The following MTUS2 variants were observed in gnomAD, a reference collection of about 807,000 sequenced individuals.
MTUS2 encodes the protein microtubule-associated tumor suppressor candidate 2.
A neutral mutation model predicts 114.1 loss-of-function variants in MTUS2; 40 were observed. The observed-to-expected ratio is 0.35, with a 90% CI of 0.27 to 0.46. The LOEUF is 0.46. MTUS2 is among the 20% of genes least tolerant of loss of function. The probability of loss-of-function intolerance (pLI) is 1.00; values close to 1 mark genes in which losing one functional copy is unlikely to be tolerated. For missense variants in MTUS2, 1,679 were observed against 1,705.4 expected (o/e 0.98, Z 0.27); for synonymous variants, 688 against 672.0 (o/e 1.02, Z -0.37).
Position 29,492,705 on chromosome 13 carries a change from C to T in MTUS2, c.3565C>T (p.Arg1189Trp), listed in dbSNP as rs753762677. The part of the protein sequence containing the change: ...KELEENFEKL[R>W]LSLQDQVDTL... Reference sequence around the variant, plus strand: ...ATTGGAAGAAAATTTTGAAAAACTGCGGCTGTCATTGCAGGTTAGTATTTC... The same window carrying T: ...ATTGGAAGAAAATTTTGAAAAACTGTGGCTGTCATTGCAGGTTAGTATTTC... The change falls in exon 12 of 16, where the codon CGG (arginine) becomes TGG (tryptophan). Residue 1189 changes from arginine (R) to tryptophan (W), a missense_variant. Physicochemically the swap from Arg to Trp is moderately radical, Grantham distance 101. This residue lies in a region of MTUS2 where 822 missense variants were observed against 899.7 expected (regional missense o/e 0.91). Transcript: ENST00000612955. 7 of 1,612,934 alleles carry T rather than the reference C, an allele frequency of 4.3e-6. No individual in the cohort carries two copies. The highest frequency in any genetic ancestry group is 2.2e-5 in the South Asian group (2 of 91,048).
At chr13:29,404,446 G>A (rs2138512532) in intron 8 of MTUS2, among the ~76,000 whole-genome samples, 1 of 152,290 alleles carries the variant, frequency 6.6e-6, no homozygotes, top group Non-Finnish European at 1.5e-5. Flanking sequence ...GCTTGATGCA[G>A]CTTGCCAGCC....
intron 9 of MTUS2, among the ~76,000 whole-genome samples, chr13:29,452,849 G>A (rs1297438627): frequency 1.3e-5 from 2 of 152,128 alleles, no homozygotes; most frequent in African/African-American, 4.8e-5. Flanking sequence ...CTGGGGACAA[G>A]CAGCTTCTGG....
intron 8 of MTUS2, among the ~76,000 whole-genome samples, chr13:29,420,181 A>C (rs374367608): frequency 1.3e-3 from 205 of 152,136 alleles, no homozygotes; most frequent in African/African-American, 4.7e-3. Flanking sequence ...TCAAACTGAA[A>C]TCTATCCTGA....
chr13:29,217,240 G>C (rs1025798484), intron 5 of MTUS2, among the ~76,000 whole-genome samples: 1 of 151,918 alleles, frequency 6.6e-6, no homozygotes, highest in Admixed American at 6.6e-5. Context: ...TACAGCAATG[G>C]TATTATATTC....
At chr13:29,121,673 T>C (rs1476608275) in intron 5 of MTUS2, among the ~76,000 whole-genome samples, 1 of 150,736 alleles carries the variant, frequency 6.6e-6, no homozygotes, top group Non-Finnish European at 1.5e-5. Flanking sequence ...TTTTTTTTTT[T>C]GATACAGAGC....
At chr13:29,489,777 G>T (rs892435584) in intron 11 of MTUS2, 6 of 152,332 alleles carry the variant, frequency 3.9e-5, no homozygotes, top group Admixed American at 6.5e-5. Context: ...TTGAAATAAA[G>T]AAATACATGA....
At chr13:28,821,271 A>G (rs1873880332) in intron 1 of MTUS2, among the ~76,000 whole-genome samples, 1 of 152,172 alleles carries the variant, frequency 6.6e-6, no homozygotes, top group African/African-American at 2.4e-5. Context: ...GTACCCTTTT[A>G]AGATAATATA....
At chr13:29,089,397 A>T (rs560676093) in intron 4 of MTUS2, among the ~76,000 whole-genome samples, 1 of 152,134 alleles carries the variant, frequency 6.6e-6, no homozygotes, top group Non-Finnish European at 1.5e-5. Context: ...CTTTTCTTTC[A>T]TATTGACCTT....
intron 14 of MTUS2, among the ~76,000 whole-genome samples, chr13:29,500,792 AACACACAC>A (rs3066073): frequency 0.014 from 1,951 of 144,296 alleles, 32 homozygotes; most frequent in South Asian, 0.042. Flanking sequence ...TTACATCAGA[AACACACAC>A]ACACACACAC....
rs747062404 is a variant in MTUS2, at chr13:29,452,310, C to CAT, written c.3184+12263_3184+12264dup. On this transcript the variant is annotated intron_variant, in intron 9 of 15. Coordinates refer to ENST00000612955, the MANE Select transcript of MTUS2 (RefSeq NM_001033602.4). ...TATAAAATTCTTTTACATCTATATG[C>CAT]ATAACGCTTTCTGGTTATTTTATGT... Among the ~76,000 whole-genome samples the CAT allele has an allele frequency of 7.8e-4, 119 of 152,128 alleles. 1 individual carries two copies. Among genetic ancestry groups the CAT allele is most frequent in the Non-Finnish European group, 8.1e-4 (55 of 68,030 alleles).
intron 9 of MTUS2, among the ~76,000 whole-genome samples, chr13:29,452,060 T>C (rs1303289451): frequency 6.6e-6 from 1 of 152,218 alleles, no homozygotes; most frequent in African/African-American, 2.4e-5. Flanking sequence ...ACTGCCGTGA[T>C]TAGATTTTAT....
intron 5 of MTUS2, among the ~76,000 whole-genome samples, chr13:29,128,009 T>C (rs942038025): frequency 5.3e-5 from 8 of 152,164 alleles, no homozygotes; most frequent in African/African-American, 1.7e-4. Flanking sequence ...CAAATGTTGA[T>C]GTGATGCGTA....
intron 8 of MTUS2, among the ~76,000 whole-genome samples, chr13:29,363,032 G>A (rs114811511): frequency 3.9e-5 from 6 of 152,258 alleles, no homozygotes; most frequent in African/African-American, 1.4e-4. Context: ...TCCTCACCAC[G>A]GGCCAAACAG....
chr13:29,454,151 C>G (rs949992273), intron 9 of MTUS2, among the ~76,000 whole-genome samples: 4 of 152,210 alleles, frequency 2.6e-5, no homozygotes, highest in Non-Finnish European at 5.9e-5. Flanking sequence ...TGCATTGCAA[C>G]TAATCATGTA....
rs1431708221 is a variant in MTUS2 at position 29,276,729 on chromosome 13, C to G, written c.2645-4975C>G. Among the ~76,000 whole-genome samples the G allele has an allele frequency of 3.3e-5, 5 of 152,076 alleles. No homozygotes were observed. In the East Asian group the frequency reaches 9.7e-4, roughly 29 times the overall value. ...CCTGGCCAACATGGTGAAACCCCATCTCTACTAAAAATACAAACATTAGCC... is the reference window on the plus strand; with the variant it reads ...CCTGGCCAACATGGTGAAACCCCATGTCTACTAAAAATACAAACATTAGCC... On this transcript the variant is annotated intron_variant, in intron 5 of 15. Transcript: ENST00000612955.
chr13:28,857,061 T>C (rs536520535), intron 2 of MTUS2, among the ~76,000 whole-genome samples: 1 of 152,342 alleles, frequency 6.6e-6, no homozygotes, highest in South Asian at 2.1e-4. Flanking sequence ...AAGGGGCTGA[T>C]TGCCCATTTG....
At chr13:29,010,518 A>G (rs557312729) in intron 2 of MTUS2, among the ~76,000 whole-genome samples, 16 of 152,076 alleles carry the variant, frequency 1.1e-4, no homozygotes, top group Non-Finnish European at 2.1e-4. Flanking sequence ...CTTGGCCTAC[A>G]GGGCTCTGGC....
chr13:29,346,533 G>A (rs1208626046), intron 7 of MTUS2, among the ~76,000 whole-genome samples: 2 of 145,910 alleles, frequency 1.4e-5, no homozygotes, highest in African/African-American at 5.3e-5. Context: ...AGCCAGCAAC[G>A]CCAGTCTCAC....
At chr13:29,294,395 T>C (rs4238117) in intron 6 of MTUS2, among the ~76,000 whole-genome samples, 67,827 of 152,006 alleles carry the variant, frequency 0.45, 16,076 homozygotes, top group Non-Finnish European at 0.53. Context: ...GAGAACTGCT[T>C]GTCTCCTGTT....
Sources: gnomAD v4.1 joint callset for allele counts (sites outside exome capture counted in the v4.1 genomes callset) on GRCh38, gnomAD v4.1.1 for gene constraint, gnomAD v4.1.1 regional missense constraint, MANE v1.5 for transcripts, NCBI Gene and HGNC (gene_info 2026-07-23, HGNC 2026-07-21) for gene names.